BLMH: variants seen among roughly 807,000 people sequenced by gnomAD.
BLMH encodes BLM hydrolase.
Under a neutral mutation model 61.6 loss-of-function variants are expected in BLMH, and 32 were observed. The ratio of observed to expected loss-of-function variants is 0.52; its 90% CI spans 0.39 to 0.70. The LOEUF (loss-of-function observed/expected upper bound fraction) is 0.70. Ranked by LOEUF, BLMH falls within the 30% of genes least tolerant of loss-of-function variation. The probability of loss-of-function intolerance (pLI) is 0.00; values close to 1 mark genes in which losing one functional copy is unlikely to be tolerated. For synonymous variants in BLMH, 183 were observed against 193.8 expected (o/e 0.94, Z 0.46); for missense variants, 460 against 555.5 (o/e 0.83, Z 1.73).
intron 6 of BLMH, among the ~76,000 whole-genome samples, chr17:30,275,639 T>C (rs1386448706): frequency 1.3e-5 from 2 of 151,754 alleles, no homozygotes; most frequent in African/African-American, 2.4e-5. Flanking sequence ...TGAGCCGAGA[T>C]CATGCCATTG....
intron 6 of BLMH, among the ~76,000 whole-genome samples, chr17:30,276,759 G>A (rs866318822): frequency 5.3e-5 from 8 of 152,098 alleles, no homozygotes; most frequent in African/African-American, 1.7e-4. Flanking sequence ...CTAACAATTC[G>A]TTTTTTAAAA....
chr17:30,278,689 G>A (rs1454790474), intron 6 of BLMH, among the ~76,000 whole-genome samples: 1 of 152,010 alleles, frequency 6.6e-6, no homozygotes, highest in East Asian at 1.9e-4. Context: ...GGGGAGCGGG[G>A]GACAGAGCCT....
intron 10 of BLMH, 46 bp from the exon 11 acceptor site, chr17:30,267,000 C>A: frequency 1.3e-6 from 2 of 1,568,824 alleles, no homozygotes; most frequent in South Asian, 2.2e-5. Context: ...CCAGATTCTC[C>A]CTGCTGAGGT....
chr17:30,286,804 T>C lies in BLMH; in HGVS notation c.552+10A>G. On this transcript the variant is annotated intron_variant, in intron 5 of 11. Transcript: ENST00000261714. The stretch of plus-strand genomic sequence containing the variant: ...CTAAACTCAATCCCACCCTGCTTCA[T>C]ATATTGTACCTTGTGATTCAGAATA... 1 of 1,557,434 alleles carries C rather than the reference T, an allele frequency of 6.4e-7. No homozygotes were observed. The highest frequency in any genetic ancestry group is 8.8e-7 in the Non-Finnish European group (1 of 1,130,460).
In BLMH at chr17:30,272,910, C is replaced by A. The variant is rs201191170; in HGVS notation, c.802-11G>T. On this transcript the variant is annotated splice_polypyrimidine_tract_variant and intron_variant, in intron 7 of 11. Coordinates refer to ENST00000261714, the MANE Select transcript of BLMH (RefSeq NM_000386.4). The stretch of plus-strand genomic sequence containing the variant: ...ATTCACTAAACAAATCTATCAAGAT[C>A]AAGAACACATTAATTAGGGCACAAA... The A allele has an allele frequency of 3.1e-6, 5 of 1,612,502 alleles. No homozygotes were observed. In the Admixed American group the frequency reaches 8.4e-5, roughly 27 times the overall value.
At chr17:30,263,283 T>C (rs1044740220) in intron 11 of BLMH, among the ~76,000 whole-genome samples, 1 of 152,238 alleles carries the variant, frequency 6.6e-6, no homozygotes, top group Non-Finnish European at 1.5e-5. Flanking sequence ...TCTTCTCAGA[T>C]GAATTTCTGA....
chr17:30,271,239 A>C, intron 10 of BLMH, 32 bp downstream of exon 10: 1 of 1,472,238 alleles, frequency 6.8e-7, no homozygotes, highest in Non-Finnish European at 9.5e-7. Flanking sequence ...CCATCTGTGC[A>C]AACACTCCAG....
chr17:30,282,470 G>A (rs1908618954), intron 6 of BLMH, among the ~76,000 whole-genome samples: 1 of 151,990 alleles, frequency 6.6e-6, no homozygotes, highest in African/African-American at 2.4e-5. Flanking sequence ...CATCTGCCTT[G>A]ACCTCCCAAA....
intron 7 of BLMH, 143 bp downstream of exon 7, chr17:30,273,899 T>C: frequency 9.9e-7 from 1 of 1,008,664 alleles, no homozygotes; most frequent in Admixed American, 2.4e-5. Context: ...CTGCATAAAA[T>C]ACTTCAGAGG....
At chr17:30,272,183 A>C (rs1908292961) in intron 9 of BLMH, 1 of 232,698 alleles carries the variant, frequency 4.3e-6, no homozygotes. Flanking sequence ...ACAATGACAA[A>C]ATACAAAGTT....
At chr17:30,262,749 C>T (rs569927186) in intron 11 of BLMH, among the ~76,000 whole-genome samples, 42 of 152,124 alleles carry the variant, frequency 2.8e-4, no homozygotes, top group Non-Finnish European at 2.5e-4. Context: ...GAGCTGAGAT[C>T]GCGCCACCGC....
chr17:30,254,754 G>A (rs1224230566), intron 11 of BLMH, among the ~76,000 whole-genome samples: 1 of 152,150 alleles, frequency 6.6e-6, no homozygotes, highest in African/African-American at 2.4e-5. Flanking sequence ...AGAAAGAGAA[G>A]ACAAATATTA....
At chr17:30,280,860 A>T (rs180777193) in intron 6 of BLMH, among the ~76,000 whole-genome samples, 1 of 152,218 alleles carries the variant, frequency 6.6e-6, no homozygotes, top group African/African-American at 2.4e-5. Flanking sequence ...TAGAATGGTC[A>T]TAAGAACACT....
chr17:30,277,535 T>A (rs1419016268), intron 6 of BLMH, among the ~76,000 whole-genome samples: 1 of 152,234 alleles, frequency 6.6e-6, no homozygotes, highest in Non-Finnish European at 1.5e-5. Context: ...CATGTAGTAG[T>A]GGAACCATTT....
At chr17:30,254,774 T>C (rs2143019692) in intron 11 of BLMH, among the ~76,000 whole-genome samples, 1 of 152,074 alleles carries the variant, frequency 6.6e-6, no homozygotes, top group South Asian at 2.1e-4. Flanking sequence ...AATTTTTGAG[T>C]TGCCTACAAT....
chr17:30,273,074 G>A, intron 7 of BLMH, 175 bp from the exon 8 acceptor site: 1 of 648,290 alleles, frequency 1.5e-6, no homozygotes, highest in Non-Finnish European at 2.6e-6. Flanking sequence ...ACATGTGAGA[G>A]AGGTCCTTGC....
intron 11 of BLMH, among the ~76,000 whole-genome samples, chr17:30,263,618 AT>A (rs1214421322): frequency 2.6e-5 from 4 of 152,158 alleles, no homozygotes; most frequent in Non-Finnish European, 4.4e-5. Context: ...GCAAAAACTG[AT>A]TTCTCCTTTT....
At chr17:30,268,682 A>T (rs929444720) in intron 10 of BLMH, among the ~76,000 whole-genome samples, 1 of 151,912 alleles carries the variant, frequency 6.6e-6, no homozygotes, top group Non-Finnish European at 1.5e-5. Context: ...AAAAAGCTGA[A>T]TTTTTCTTGG....
At chr17:30,267,711 C>G (rs1454190561) in intron 10 of BLMH, among the ~76,000 whole-genome samples, 1 of 152,152 alleles carries the variant, frequency 6.6e-6, no homozygotes, top group East Asian at 1.9e-4. Flanking sequence ...ACTATAGTGA[C>G]ACAGAGAGGG....
Sources: gnomAD v4.1 joint callset for allele counts (sites outside exome capture counted in the v4.1 genomes callset) on GRCh38, gnomAD v4.1.1 for gene constraint, MANE v1.5 for transcripts, NCBI Gene and HGNC (gene_info 2026-07-23, HGNC 2026-07-21) for gene names.